Variants in TRIM61 observed in about 807,000 individuals in gnomAD.
TRIM61 encodes putative tripartite motif-containing protein 61.
TRIM61 carries 1 observed loss-of-function variant against 14.2 expected under a neutral mutation model. That is an observed-to-expected ratio of 0.07 (90% CI 0.03 to 0.33). The LOEUF (loss-of-function observed/expected upper bound fraction) is 0.33, where lower values mean the gene tolerates loss of function less well. Ranked by LOEUF, TRIM61 falls within the 10% of genes least tolerant of loss-of-function variation. TRIM61 has a pLI of 0.99. For missense variants in TRIM61, 19 were observed against 202.2 expected, an observed-to-expected ratio of 0.09 and a Z score of 5.49; for synonymous variants, 8 against 71.6, an observed-to-expected ratio of 0.11 and a Z score of 4.49.
intron 3 of TRIM61, chr4:164,955,155 C>G (rs1731954121): frequency 6.2e-6 from 1 of 160,750 alleles, no homozygotes; most frequent in East Asian, 1.9e-4. Context: ...ACATGTCCTA[C>G]ACATAACCTA....
intron 3 of TRIM61, among the ~76,000 whole-genome samples, chr4:164,966,857 G>A (rs913881451): frequency 1.3e-5 from 2 of 152,140 alleles, no homozygotes; most frequent in Middle Eastern, 3.2e-3. Context: ...GACCCAGGAG[G>A]CGGAGGTTGC....
chr4:164,962,325 A>G (rs546079191), intron 3 of TRIM61, among the ~76,000 whole-genome samples: 5 of 147,742 alleles, frequency 3.4e-5, no homozygotes, highest in Non-Finnish European at 5.9e-5. Flanking sequence ...GGTTCACGCC[A>G]TTCTCCTGCC....
intron 3 of TRIM61, among the ~76,000 whole-genome samples, chr4:164,967,933 CT>C (rs1282165955): frequency 6.6e-6 from 1 of 151,976 alleles, no homozygotes; most frequent in Non-Finnish European, 1.5e-5. Context: ...AGGTGAATCA[CT>C]GGAGGTCAGG....
intron 3 of TRIM61, among the ~76,000 whole-genome samples, chr4:164,963,988 T>C (rs1233132496): frequency 1.3e-5 from 2 of 152,014 alleles, no homozygotes; most frequent in African/African-American, 2.4e-5. Flanking sequence ...GTGAAATTTA[T>C]AGAATTAAAT....
At chr4:164,956,818 C>G (rs1352572986) in intron 3 of TRIM61, 3 of 555,514 alleles carry the variant, frequency 5.4e-6, no homozygotes, top group African/African-American at 3.8e-5. Context: ...AACTTTCTCA[C>G]AGAACACAAG....
chr4:164,973,591 C>T (rs1732419766), intron 2 of TRIM61, among the ~76,000 whole-genome samples: 1 of 152,194 alleles, frequency 6.6e-6, no homozygotes, highest in Admixed American at 6.5e-5. Flanking sequence ...TAGCTAGCTA[C>T]ATGTACTTGG....
At chr4:164,970,493 T>C (rs1009652495) in intron 2 of TRIM61, among the ~76,000 whole-genome samples, 154 bp from the exon 3 acceptor site, 2 of 151,752 alleles carry the variant, frequency 1.3e-5, no homozygotes, top group African/African-American at 4.8e-5. Flanking sequence ...ATACATTACT[T>C]ATTAAAAAAA....
At chr4:164,967,089 A>G (rs1732259337) in intron 3 of TRIM61, among the ~76,000 whole-genome samples, 1 of 152,228 alleles carries the variant, frequency 6.6e-6, no homozygotes, top group South Asian at 2.1e-4. Flanking sequence ...CAATAAGATT[A>G]ATATTCAAAA....
chr4:164,971,309 T>C (rs1018522428), intron 2 of TRIM61, among the ~76,000 whole-genome samples: 2 of 151,810 alleles, frequency 1.3e-5, no homozygotes, highest in Non-Finnish European at 2.9e-5. Context: ...AAAAAATGTG[T>C]AGCCGAGTGC....
intron 3 of TRIM61, among the ~76,000 whole-genome samples, chr4:164,962,737 G>A (rs1732164819): frequency 1.4e-5 from 2 of 145,388 alleles, no homozygotes; most frequent in Non-Finnish European, 3.0e-5. Context: ...TATTATATAT[G>A]TCAGAAACTT....
At chr4:164,967,868 C>G (rs1014194298) in intron 3 of TRIM61, among the ~76,000 whole-genome samples, 2 of 151,650 alleles carry the variant, frequency 1.3e-5, no homozygotes, top group African/African-American at 4.8e-5. Flanking sequence ...AAGTAGCTAC[C>G]TGGCTGGGCG....
chr4:164,962,539 G>A (rs1335734706), intron 3 of TRIM61, among the ~76,000 whole-genome samples: 1 of 151,758 alleles, frequency 6.6e-6, no homozygotes, highest in South Asian at 2.1e-4. Context: ...CACTGCGCCC[G>A]GCCTGACAAT....
At position 164,968,437 on chromosome 4, in the gene TRIM61, C is replaced by CA. The variant is rs1448050358; in HGVS notation, c.525+1040dup. ...CCATAATTTAATATAAAGTAGGTCC[C>CA]ATAATCACATTTTTTGGAAGTTGCT... On this transcript the variant is annotated intron_variant, in intron 3 of 4. Coordinates refer to ENST00000329314, the MANE Select transcript of TRIM61 (RefSeq NM_001012414.3). The CA allele has an allele frequency of 3.0e-6, 3 of 984,946 alleles. No homozygotes were observed. The African/African-American group carries it at 5.2e-5, about 17-fold the overall frequency. The allele number at this position is 984,946 out of a possible 1,614,324, so 61.0% of individuals were successfully genotyped here.
chr4:164,975,016 T>C (rs1230681159), intron 2 of TRIM61, among the ~76,000 whole-genome samples: 1 of 152,068 alleles, frequency 6.6e-6, no homozygotes, highest in South Asian at 2.1e-4. Context: ...GCAGATTACC[T>C]TAGGTCAAGT....
chr4:164,957,295 C>G, intron 3 of TRIM61: 1 of 1,614,200 alleles, frequency 6.2e-7, no homozygotes, highest in East Asian at 2.2e-5. Flanking sequence ...CTGTCAGCCG[C>G]TCATGGTGCC....
chr4:164,973,659 G>T (rs915392654), intron 2 of TRIM61, among the ~76,000 whole-genome samples: 27 of 152,120 alleles, frequency 1.8e-4, no homozygotes, highest in Admixed American at 1.8e-3. Flanking sequence ...ACTGTCTCAG[G>T]TTTTAAGCAT....
At chr4:164,975,578 C>A (rs1222783376) in intron 2 of TRIM61, among the ~76,000 whole-genome samples, 1 of 152,200 alleles carries the variant, frequency 6.6e-6, no homozygotes, top group African/African-American at 2.4e-5. Flanking sequence ...GGATCTAGGG[C>A]TGTGCAGGAC....
intron 3 of TRIM61, among the ~76,000 whole-genome samples, chr4:164,959,326 C>A (rs1285564183): frequency 6.6e-6 from 1 of 152,022 alleles, no homozygotes; most frequent in African/African-American, 2.4e-5. Flanking sequence ...GTTTCCCTTA[C>A]CCTAAGAATT....
At chr4:164,962,186 C>T (rs1245068792) in intron 3 of TRIM61, among the ~76,000 whole-genome samples, 2 of 150,108 alleles carry the variant, frequency 1.3e-5, no homozygotes, top group Non-Finnish European at 3.0e-5. Context: ...GACCTCTCAT[C>T]AGAAAATGTG....
Sources: gnomAD v4.1 joint callset for allele counts (sites outside exome capture counted in the v4.1 genomes callset) on GRCh38, gnomAD v4.1.1 for gene constraint, MANE v1.5 for transcripts, NCBI Gene and HGNC (gene_info 2026-07-23, HGNC 2026-07-21) for gene names.